Variants in TCF12 observed in about 807,000 individuals in gnomAD.
TCF12 encodes DNA-binding protein HTF4.
A neutral mutation model predicts 86.0 loss-of-function variants in TCF12; 45 were observed. The observed-to-expected ratio is 0.52, with a 90% CI of 0.41 to 0.67. TCF12 has a LOEUF of 0.67. Ranked by LOEUF, TCF12 falls within the 30% of genes least tolerant of loss-of-function variation. The pLI is 0.00. For synonymous variants in TCF12, 330 were observed against 299.6 expected (o/e 1.10, Z -1.05); for missense variants, 881 against 859.9 (o/e 1.02, Z -0.31).
intron 3 of TCF12, among the ~76,000 whole-genome samples, chr15:56,959,925 A>G (rs1346490269): frequency 6.6e-6 from 1 of 152,104 alleles, no homozygotes. Flanking sequence ...TATTGTTCCA[A>G]TTTTTTGACA....
intron 5 of TCF12, among the ~76,000 whole-genome samples, chr15:57,156,994 C>T (rs2054155539): frequency 6.6e-6 from 1 of 152,144 alleles, no homozygotes; most frequent in Non-Finnish European, 1.5e-5. Context: ...ACATTAATGT[C>T]AGGAAGGAAA....
intron 6 of TCF12, among the ~76,000 whole-genome samples, chr15:57,173,970 T>G (rs2055723338): frequency 4.6e-5 from 7 of 152,124 alleles, no homozygotes; most frequent in Admixed American, 4.6e-4. Flanking sequence ...CCTCTCAAAG[T>G]GCTGGAATTA....
At chr15:56,950,151 T>C (rs956174650) in intron 3 of TCF12, among the ~76,000 whole-genome samples, 16 of 152,206 alleles carry the variant, frequency 1.1e-4, no homozygotes, top group Admixed American at 3.3e-4. Context: ...CACACTCCCA[T>C]CCCTACTCCC....
At chr15:57,013,733 A>G (rs1256350240) in intron 3 of TCF12, among the ~76,000 whole-genome samples, 3 of 152,190 alleles carry the variant, frequency 2.0e-5, no homozygotes, top group Non-Finnish European at 2.9e-5. Context: ...AGAGAAGTTC[A>G]TTAGACTTCT....
At chr15:57,273,409 T>C in intron 19 of TCF12, 147 bp downstream of exon 19, 1 of 749,590 alleles carries the variant, frequency 1.3e-6, no homozygotes, top group Non-Finnish European at 2.2e-6. Flanking sequence ...TTTCCTGTAA[T>C]TCTCACTTCT....
intron 3 of TCF12, among the ~76,000 whole-genome samples, chr15:56,948,734 C>G (rs1057093717): frequency 6.6e-6 from 1 of 152,104 alleles, no homozygotes; most frequent in African/African-American, 2.4e-5. Flanking sequence ...AGTTTTTAGA[C>G]CTCTGTAGGA....
intron 3 of TCF12, among the ~76,000 whole-genome samples, chr15:56,980,154 T>G (rs571811139): frequency 6.6e-6 from 1 of 152,126 alleles, no homozygotes; most frequent in South Asian, 2.1e-4. Flanking sequence ...AGGCCAGGAG[T>G]TGGAGACCAG....
intron 4 of TCF12, among the ~76,000 whole-genome samples, chr15:57,084,336 G>A (rs2048493439): frequency 1.3e-5 from 2 of 152,170 alleles, no homozygotes; most frequent in African/African-American, 4.8e-5. Flanking sequence ...GAACACGACA[G>A]TGGAATTATG....
chr15:57,193,162 G>A (rs1482182794), intron 7 of TCF12, among the ~76,000 whole-genome samples: 1 of 152,218 alleles, frequency 6.6e-6, no homozygotes, highest in South Asian at 2.1e-4. Context: ...GGGAGGGCAG[G>A]CACATTCATA....
chr15:57,030,028 A>G (rs2066059160), intron 3 of TCF12, among the ~76,000 whole-genome samples: 1 of 151,692 alleles, frequency 6.6e-6, no homozygotes, highest in Non-Finnish European at 1.5e-5. Flanking sequence ...TAGAGTCGCT[A>G]TGAACATTTT....
At position 57,253,204 on chromosome 15, in the gene TCF12, T is replaced by G. The variant is rs1009753330; in HGVS notation, c.1261-58T>G. On this transcript the variant is annotated intron_variant, in intron 15 of 20. Transcript: ENST00000333725. ...TATCACATAGTAGGAAACGTAGCAG[T>G]TAATGAATCTAACAGATGCCAGCAA... The G allele has an allele frequency of 3.2e-6, 5 of 1,582,880 alleles. No individual in the cohort carries two copies. The South Asian group carries it at 5.6e-5, about 18-fold the overall frequency.
At chr15:57,161,579 T>C (rs981769558) in intron 5 of TCF12, among the ~76,000 whole-genome samples, 10 of 152,204 alleles carry the variant, frequency 6.6e-5, no homozygotes, top group Non-Finnish European at 2.9e-5. Flanking sequence ...TCCAATAATA[T>C]GTTGCTATTC....
intron 8 of TCF12, among the ~76,000 whole-genome samples, chr15:57,218,239 C>T (rs1191051605): frequency 1.3e-5 from 2 of 152,106 alleles, no homozygotes; most frequent in African/African-American, 4.8e-5. Context: ...AGCTTGTGAG[C>T]TCTCCTCTGA....
rs188383643 is a variant in TCF12, at chr15:56,954,862, C to T, written c.148+33764C>T. Among the ~76,000 whole-genome samples, 91 of 152,298 alleles carry T rather than the reference C, an allele frequency of 6.0e-4. 1 individual carries two copies. In the Middle Eastern group the frequency reaches 0.024, roughly 40 times the overall value. On this transcript the variant is annotated intron_variant, in intron 3 of 20. Transcript: ENST00000333725. ...ATCAGAGAACTGAGATACCATCTCA[C>T]GCCAGTTAGAATGGCAATCATTAAA...
intron 3 of TCF12, among the ~76,000 whole-genome samples, chr15:56,939,796 G>A (rs1219358998): frequency 3.9e-5 from 6 of 152,078 alleles, no homozygotes; most frequent in Admixed American, 1.3e-4. Flanking sequence ...GAGACGTGAG[G>A]TGTTCATTTT....
chr15:56,944,765 A>G (rs576761381), intron 3 of TCF12, among the ~76,000 whole-genome samples: 7 of 152,296 alleles, frequency 4.6e-5, no homozygotes, highest in Non-Finnish European at 1.0e-4. Context: ...ATTAACTGCA[A>G]AATAGTATGA....
At chr15:57,231,617 A>AAAG (rs1416370516) in intron 9 of TCF12, among the ~76,000 whole-genome samples, 13 of 152,188 alleles carry the variant, frequency 8.5e-5, no homozygotes, top group African/African-American at 3.1e-4. Context: ...TTACCAATAT[A>AAAG]AAGAAAGAGT....
At chr15:57,109,654 T>C (rs1228708020) in intron 5 of TCF12, among the ~76,000 whole-genome samples, 1 of 152,226 alleles carries the variant, frequency 6.6e-6, no homozygotes, top group Non-Finnish European at 1.5e-5. Context: ...TATAGTATTT[T>C]AGGTTTTTGT....
At chr15:57,268,535 G>C (rs1455671958) in intron 18 of TCF12, among the ~76,000 whole-genome samples, 1 of 152,046 alleles carries the variant, frequency 6.6e-6, no homozygotes, top group South Asian at 2.1e-4. Context: ...TTACAAGCAC[G>C]AGCCACCATG....
Sources: gnomAD v4.1 joint callset for allele counts (sites outside exome capture counted in the v4.1 genomes callset) on GRCh38, gnomAD v4.1.1 for gene constraint, MANE v1.5 for transcripts, NCBI Gene and HGNC (gene_info 2026-07-23, HGNC 2026-07-21) for gene names.